Variants in GLIS1 observed in about 807,000 individuals in gnomAD.
The protein encoded by GLIS1 is zinc finger protein GLIS1.
Under a neutral mutation model 63.8 loss-of-function variants are expected in GLIS1, and 24 were observed. The ratio of observed to expected loss-of-function variants is 0.38; its 90% CI spans 0.27 to 0.53. GLIS1 has a LOEUF of 0.53. Ranked by LOEUF, GLIS1 falls within the 20% of genes least tolerant of loss-of-function variation. The pLI is 0.85. For missense variants in GLIS1, 1,036 were observed against 1,074.1 expected (o/e 0.96, Z 0.50); for synonymous variants, 450 against 482.5 (o/e 0.93, Z 0.88).
intron 2 of GLIS1, among the ~76,000 whole-genome samples, chr1:53,684,491 G>A (rs1372780464): frequency 6.6e-6 from 1 of 152,132 alleles, no homozygotes; most frequent in Non-Finnish European, 1.5e-5. Context: ...ACTTCACACT[G>A]TGAGGTGAAG....
At chr1:53,638,636 G>A (rs1217265640) in intron 2 of GLIS1, among the ~76,000 whole-genome samples, 3 of 152,180 alleles carry the variant, frequency 2.0e-5, no homozygotes, top group African/African-American at 7.2e-5. Flanking sequence ...GCGTCTGGGG[G>A]CAGAGAGTCC....
chr1:53,670,873 C>T (rs1646143847), intron 2 of GLIS1, among the ~76,000 whole-genome samples: 1 of 152,194 alleles, frequency 6.6e-6, no homozygotes, highest in Admixed American at 6.5e-5. Context: ...TACTATTTGC[C>T]ATAGCGAATG....
chr1:53,614,836 A>T (rs1052704803), intron 2 of GLIS1, among the ~76,000 whole-genome samples: 1 of 146,318 alleles, frequency 6.8e-6, no homozygotes, highest in Non-Finnish European at 1.5e-5. Flanking sequence ...TTTCACACAC[A>T]TGCACACACA....
At chr1:53,542,719 G>T (rs956159846) in intron 4 of GLIS1, among the ~76,000 whole-genome samples, 2 of 152,224 alleles carry the variant, frequency 1.3e-5, no homozygotes, top group African/African-American at 4.8e-5. Flanking sequence ...CCTGAGCTCT[G>T]CCCCTTCACC....
intron 2 of GLIS1, among the ~76,000 whole-genome samples, chr1:53,633,992 G>A (rs1269716272): frequency 6.6e-6 from 1 of 152,202 alleles, no homozygotes; most frequent in Admixed American, 6.5e-5. Context: ...TCCACTGTGA[G>A]TGCAGAGGCA....
At position 53,506,490 on chromosome 1, in the gene GLIS1, CT is replaced by C. The variant is rs1170754012; in HGVS notation, c.*128del. On this transcript the variant is annotated 3_prime_UTR_variant, in exon 11 of 11. Coordinates refer to ENST00000628545, the MANE Select transcript of GLIS1 (RefSeq NM_001367484.1). Reference sequence around the variant, plus strand: ...GGGTGGGGTGGCAGCGCTGGCTCCCCTGGGTCATGGCCTGGCTGTTCCGGCT... The same window carrying C: ...GGGTGGGGTGGCAGCGCTGGCTCCCCGGGTCATGGCCTGGCTGTTCCGGCT... 21 of 1,021,894 alleles carry C rather than the reference CT, an allele frequency of 2.1e-5. No individual in the cohort carries two copies. The highest frequency in any genetic ancestry group is 3.0e-5 in the Non-Finnish European group (21 of 695,596). 63.3% of individuals were successfully genotyped at this position (1,021,894 alleles called of 1,614,324 possible).
At chr1:53,712,711 T>C (rs972779267) in intron 2 of GLIS1, among the ~76,000 whole-genome samples, 1 of 152,184 alleles carries the variant, frequency 6.6e-6, no homozygotes, top group Non-Finnish European at 1.5e-5. Flanking sequence ...CAGAAGTGGC[T>C]TGCAGAGCCT....
chr1:53,712,555 G>A (rs1185841548), intron 2 of GLIS1, among the ~76,000 whole-genome samples: 1 of 152,184 alleles, frequency 6.6e-6, no homozygotes, highest in Non-Finnish European at 1.5e-5. Context: ...ACAACAAACA[G>A]GCTCCAAGTC....
chr1:53,614,428 CG>C (rs1557481917), intron 2 of GLIS1, among the ~76,000 whole-genome samples: 1 of 151,930 alleles, frequency 6.6e-6, no homozygotes, highest in Non-Finnish European at 1.5e-5. Context: ...CGTTCCAGGG[CG>C]GGAACACAGG....
chr1:53,546,562 G>A (rs758837442), intron 4 of GLIS1, among the ~76,000 whole-genome samples: 5 of 151,560 alleles, frequency 3.3e-5, no homozygotes, highest in Middle Eastern at 3.4e-3. Flanking sequence ...CCTGTTTGCA[G>A]GTTTATTGCA....
intron 2 of GLIS1, among the ~76,000 whole-genome samples, chr1:53,623,536 G>A (rs1645566600): frequency 6.6e-6 from 1 of 152,070 alleles, no homozygotes; most frequent in Non-Finnish European, 1.5e-5. Flanking sequence ...AGATGTCTTA[G>A]CTAGTGCAGT....
chr1:53,692,105 C>T (rs1431808925), intron 2 of GLIS1, among the ~76,000 whole-genome samples: 2 of 152,166 alleles, frequency 1.3e-5, no homozygotes, highest in East Asian at 1.9e-4. Flanking sequence ...CTCCCTTTTT[C>T]CTAACACAAG....
intron 5 of GLIS1, among the ~76,000 whole-genome samples, chr1:53,527,120 T>G (rs1345712234): frequency 6.6e-6 from 1 of 152,184 alleles, no homozygotes; most frequent in African/African-American, 2.4e-5. Flanking sequence ...AAGAAGAAAC[T>G]GAGACCTACA....
At chr1:53,732,315 C>G (rs926504329) in intron 2 of GLIS1, among the ~76,000 whole-genome samples, 2 of 152,242 alleles carry the variant, frequency 1.3e-5, no homozygotes, top group African/African-American at 4.8e-5. Context: ...CTCTCCACCC[C>G]TACCCAGCCC....
intron 4 of GLIS1, among the ~76,000 whole-genome samples, chr1:53,556,130 TTG>T (rs915987105): frequency 2.1e-4 from 17 of 80,442 alleles, no homozygotes; most frequent in African/African-American, 5.0e-4. Context: ...TACTGTAGGT[TTG>T]TGTGTGTGTG....
At chr1:53,729,098 G>C (rs943639300) in intron 2 of GLIS1, among the ~76,000 whole-genome samples, 4 of 152,238 alleles carry the variant, frequency 2.6e-5, no homozygotes, top group African/African-American at 4.8e-5. Flanking sequence ...TAAAAGTATA[G>C]ATGCTGTCAC....
intron 2 of GLIS1, among the ~76,000 whole-genome samples, chr1:53,677,114 CG>C (rs1338174837): frequency 6.6e-6 from 1 of 152,196 alleles, no homozygotes; most frequent in East Asian, 1.9e-4. Flanking sequence ...AGGATGACGC[CG>C]GCCTACAGCT....
intron 2 of GLIS1, among the ~76,000 whole-genome samples, chr1:53,629,991 A>C (rs1349702812): frequency 6.6e-6 from 1 of 152,228 alleles, no homozygotes; most frequent in African/African-American, 2.4e-5. Context: ...AAAGAATTCC[A>C]TAATTGCATC....
Position 53,535,786 on chromosome 1 carries a change from A to C in GLIS1, c.1321-5834T>G, listed in dbSNP as rs1162177037. Among the ~76,000 whole-genome samples, 3 of 152,014 alleles carry C rather than the reference A, an allele frequency of 2.0e-5. No homozygotes were observed. The East Asian group carries it at 5.8e-4, about 29-fold the overall frequency. On this transcript the variant is annotated intron_variant, in intron 4 of 10. Transcript: ENST00000628545. ...CATTTCCACGAGCTATCTGAAAAGAAGACTTAAGCCCATAGCTCTGTGTCC... is the reference window on the plus strand; with the variant it reads ...CATTTCCACGAGCTATCTGAAAAGACGACTTAAGCCCATAGCTCTGTGTCC...
Sources: gnomAD v4.1 joint callset for allele counts (sites outside exome capture counted in the v4.1 genomes callset) on GRCh38, gnomAD v4.1.1 for gene constraint, MANE v1.5 for transcripts, NCBI Gene and HGNC (gene_info 2026-07-23, HGNC 2026-07-21) for gene names.